FSTL4: variants seen among roughly 807,000 people sequenced by gnomAD.
The protein encoded by FSTL4 is follistatin-related protein 4.
FSTL4 carries 28 observed loss-of-function variants against 78.2 expected under a neutral mutation model. That is an observed-to-expected ratio of 0.36 (90% CI 0.27 to 0.49). The LOEUF (loss-of-function observed/expected upper bound fraction) is 0.49. Among genes scored for constraint, FSTL4 ranks in the 20% least tolerant of loss-of-function variants. The probability of loss-of-function intolerance (pLI) is 0.98; values close to 1 mark genes in which losing one functional copy is unlikely to be tolerated. For synonymous variants in FSTL4, 422 were observed against 440.5 expected (o/e 0.96, Z 0.53); for missense variants, 922 against 1,084.9 (o/e 0.85, Z 2.11).
At chr5:133,666,870 A>T in the FSTL4 span, among the ~76,000 whole-genome samples, 1 of 152,214 alleles carries the variant, frequency 6.6e-6, no homozygotes, top group African/African-American at 2.4e-5. Flanking sequence ...AAACATTGCC[A>T]CAGTTGTATT....
chr5:133,323,495 G>T (rs1754124286), intron 4 of FSTL4, among the ~76,000 whole-genome samples: 1 of 152,242 alleles, frequency 6.6e-6, no homozygotes, highest in Non-Finnish European at 1.5e-5. Context: ...ACAGAAGACA[G>T]AAGATGTCCT....
intron 3 of FSTL4, among the ~76,000 whole-genome samples, chr5:133,450,683 T>C (rs1394472481): frequency 1.3e-5 from 2 of 152,226 alleles, no homozygotes; most frequent in African/African-American, 2.4e-5. Context: ...ATTAACTCCA[T>C]TACAACAGGA....
intron 1 of FSTL4, among the ~76,000 whole-genome samples, chr5:133,608,813 G>T (rs1734513045): frequency 6.6e-6 from 1 of 152,184 alleles, no homozygotes; most frequent in African/African-American, 2.4e-5. Flanking sequence ...GCATGAAATA[G>T]GAATGCAAAT....
the FSTL4 span, among the ~76,000 whole-genome samples, chr5:133,673,074 A>G: frequency 3.3e-5 from 5 of 152,190 alleles, no homozygotes; most frequent in Non-Finnish European, 7.3e-5. Flanking sequence ...GGTGATACAT[A>G]AACAGTTACA....
At chr5:133,356,750 C>G (rs759041997) in intron 4 of FSTL4, among the ~76,000 whole-genome samples, 21 of 152,248 alleles carry the variant, frequency 1.4e-4, no homozygotes, top group Non-Finnish European at 2.5e-4. Context: ...ATGGCTGCCT[C>G]CTGGCCTGCC....
At chr5:133,643,702 C>T in the FSTL4 span, among the ~76,000 whole-genome samples, 1 of 152,212 alleles carries the variant, frequency 6.6e-6, no homozygotes, top group African/African-American at 2.4e-5. Context: ...CCTGTATTAA[C>T]AGATGGTGCC....
chr5:133,209,393 T>TGA (rs150058257), intron 14 of FSTL4, among the ~76,000 whole-genome samples: 61 of 150,804 alleles, frequency 4.0e-4, no homozygotes, highest in South Asian at 1.0e-3. Flanking sequence ...CCTTGGGTTC[T>TGA]GAGAGAGAGA....
At chr5:133,704,896 A>G in the FSTL4 span, among the ~76,000 whole-genome samples, 2 of 152,240 alleles carry the variant, frequency 1.3e-5, no homozygotes, top group African/African-American at 4.8e-5. Context: ...ATCAAGGTTC[A>G]TCTGTGATAT....
intron 3 of FSTL4, among the ~76,000 whole-genome samples, chr5:133,408,572 T>G (rs979438597): frequency 1.4e-3 from 17 of 12,084 alleles, no homozygotes; most frequent in Admixed American, 2.3e-3. Context: ...GAGGCGGGGG[T>G]GGAGCGGGGG....
the FSTL4 span, among the ~76,000 whole-genome samples, chr5:133,627,209 G>A: frequency 1.6e-5 from 2 of 123,408 alleles, no homozygotes; most frequent in Non-Finnish European, 3.2e-5. Context: ...TCCCCACACT[G>A]CCAATAAAGA....
chr5:133,821,409 C>A, the FSTL4 span, among the ~76,000 whole-genome samples: 1 of 152,212 alleles, frequency 6.6e-6, no homozygotes, highest in East Asian at 1.9e-4. Flanking sequence ...TAGGACGCAG[C>A]CCCAGTGACC....
intron 3 of FSTL4, among the ~76,000 whole-genome samples, chr5:133,484,311 T>C (rs1452891487): frequency 6.6e-6 from 1 of 152,180 alleles, no homozygotes; most frequent in African/African-American, 2.4e-5. Context: ...ACACAGAACT[T>C]TGACGATGAC....
chr5:133,201,576 C>A (rs1330686036), intron 15 of FSTL4, among the ~76,000 whole-genome samples: 2 of 152,276 alleles, frequency 1.3e-5, no homozygotes, highest in Non-Finnish European at 2.9e-5. Flanking sequence ...GGGGTTAAGA[C>A]CACTGGGACT....
chr5:133,720,207 T>A, the FSTL4 span, among the ~76,000 whole-genome samples: 1 of 152,368 alleles, frequency 6.6e-6, no homozygotes, highest in Admixed American at 6.5e-5. Flanking sequence ...AATTCTCATT[T>A]TGTATCAAGG....
the FSTL4 span, among the ~76,000 whole-genome samples, chr5:133,688,468 A>G: frequency 6.6e-6 from 1 of 152,248 alleles, no homozygotes; most frequent in South Asian, 2.1e-4. Context: ...GAGAACGAGA[A>G]GAGAATAGAT....
chr5:133,315,838 A>G (rs1753890958), intron 5 of FSTL4, among the ~76,000 whole-genome samples: 1 of 151,918 alleles, frequency 6.6e-6, no homozygotes. Flanking sequence ...GAGTGAGGTC[A>G]CTCTTTCCTT....
At chr5:133,829,195 G>A in the FSTL4 span, among the ~76,000 whole-genome samples, 2 of 152,278 alleles carry the variant, frequency 1.3e-5, no homozygotes, top group Middle Eastern at 3.4e-3. Context: ...TTCAAGTCCA[G>A]CCTGGCCAAA....
the FSTL4 span, among the ~76,000 whole-genome samples, chr5:133,626,049 CATATATATATATTCCAT>C: frequency 0.069 from 139 of 2,026 alleles, no homozygotes; most frequent in East Asian, 0.14. Flanking sequence ...ATATATATTC[CATATATATATATTCCAT>C]ATATATATAT....
chr5:133,742,403 C>T, the FSTL4 span, among the ~76,000 whole-genome samples: 1 of 152,180 alleles, frequency 6.6e-6, no homozygotes, highest in East Asian at 1.9e-4. Flanking sequence ...AGAAAAAAAT[C>T]AATGTCCTTC....
Sources: allele counts gnomAD v4.1 joint callset (sites outside exome capture counted in the v4.1 genomes callset), GRCh38; gene constraint gnomAD v4.1.1; transcripts MANE v1.5; gene names NCBI Gene and HGNC (gene_info 2026-07-23, HGNC 2026-07-21).